FLT3: variants seen among roughly 807,000 people sequenced by gnomAD.
FLT3 encodes receptor-type tyrosine-protein kinase FLT3.
A neutral mutation model predicts 126.6 loss-of-function variants in FLT3; 46 were observed. The ratio of observed to expected loss-of-function variants is 0.36; its 90% CI spans 0.29 to 0.46. FLT3 has a LOEUF of 0.46. Among genes scored for constraint, FLT3 ranks in the 20% least tolerant of loss-of-function variants. The pLI is 1.00. For synonymous variants in FLT3, 404 were observed against 434.4 expected, an observed-to-expected ratio of 0.93 and a Z score of 0.87; for missense variants, 1,069 against 1,190.3, an observed-to-expected ratio of 0.90 and a Z score of 1.50.
Position 28,049,468 on chromosome 13 carries a change from A to T in FLT3, c.952T>A (p.Ser318Thr). The T allele has an allele frequency of 1.2e-6, 2 of 1,614,010 alleles. No individual in the cohort carries two copies. Among genetic ancestry groups the T allele is most frequent in the Non-Finnish European group, 1.7e-6 (2 of 1,179,850 alleles). ...CCGGTGTCGTTTCTTGCCACTGATGATACAAAAGCAAACAGAATCCGTATC... is the reference window on the plus strand; with the variant it reads ...CCGGTGTCGTTTCTTGCCACTGATGTTACAAAAGCAAACAGAATCCGTATC... ...TMIRILFAFV[S>T]SVARNDTGYY... Residue 318 changes from serine to threonine, a missense_variant, in exon 8 of 24, where the codon TCA (serine) becomes ACA (threonine). Physicochemically the swap from Ser to Thr is moderately conservative, Grantham distance 58. Coordinates refer to ENST00000241453, the MANE Select transcript of FLT3 (RefSeq NM_004119.3).
chr13:28,015,948 G>C (rs1871815888), intron 20 of FLT3, among the ~76,000 whole-genome samples: 3 of 152,132 alleles, frequency 2.0e-5, no homozygotes, highest in African/African-American at 7.2e-5. Flanking sequence ...GAATGGGTAA[G>C]TTTAACTTGC....
intron 3 of FLT3, among the ~76,000 whole-genome samples, chr13:28,061,342 C>T (rs958209546): frequency 3.1e-5 from 3 of 96,914 alleles, no homozygotes; most frequent in Non-Finnish European, 4.2e-5. Flanking sequence ...GATGACAGAG[C>T]GAGATAGTTC....
intron 1 of FLT3, among the ~76,000 whole-genome samples, chr13:28,072,778 T>C (rs1404380878): frequency 2.6e-5 from 4 of 151,094 alleles, no homozygotes; most frequent in Admixed American, 6.6e-5. Context: ...CCGAGGCGGG[T>C]GGATCACGAG....
At chr13:28,073,015 A>AACAAC (rs1555261266) in intron 1 of FLT3, among the ~76,000 whole-genome samples, 2,570 of 150,056 alleles carry the variant, frequency 0.017, 85 homozygotes, top group African/African-American at 0.058. Flanking sequence ...TAAAAAAAAA[A>AACAAC]AACAACAACA....
chr13:28,048,546 A>C, intron 8 of FLT3, 103 bp from the exon 9 acceptor site: 1 of 811,684 alleles, frequency 1.2e-6, no homozygotes, highest in Non-Finnish European at 1.9e-6. Flanking sequence ...ACACAGGAAA[A>C]CTCAAGTGTT....
rs1474119276 is a variant in FLT3, at chr13:28,023,409, C to A, written c.2359G>T (p.Asp787Tyr). The change falls in exon 19 of 24, where the codon GAT becomes TAT. Residue 787 changes from aspartate (D) to tyrosine (Y), a missense_variant. Asp to Tyr is a radical substitution (Grantham distance 160). Transcript: ENST00000241453. ...ACTTGATATGCAAAGCAAAGAAGATCTTCAAATGTAAGCACATTCAAGTCC... is the reference window on the plus strand; with the variant it reads ...ACTTGATATGCAAAGCAAAGAAGATATTCAAATGTAAGCACATTCAAGTCC... ...EEDLNVLTFE[D>Y]LLCFAYQVAK... The A allele has an allele frequency of 6.2e-6, 10 of 1,613,888 alleles. No individual in the cohort carries two copies. In the East Asian group the frequency reaches 2.2e-4, roughly 36 times the overall value.
chr13:28,014,371 G>A (rs1871648147), intron 23 of FLT3, 81 bp downstream of exon 23: 17 of 1,011,832 alleles, frequency 1.7e-5, no homozygotes, highest in Non-Finnish European at 2.0e-5. Context: ...TGGTACCTTT[G>A]GTTCACAGGA....
rs960129583 is a variant in FLT3, at chr13:28,054,550, C to T, written c.485-1876G>A. On this transcript the variant is annotated intron_variant, in intron 4 of 23. Coordinates refer to ENST00000241453, the MANE Select transcript of FLT3 (RefSeq NM_004119.3). ...CAGCCTAGGTAACATGCCAAAACCC[C>T]GTCTCTACAAAAACAACAACAACAA... is the stretch of plus-strand genomic sequence containing the variant. 4.0e-5 allele frequency among the ~76,000 whole-genome samples: 6 copies of T among 150,532 alleles called. No homozygotes were observed. In the East Asian group the frequency reaches 9.6e-4, roughly 24 times the overall value.
chr13:28,040,185 T>A (rs564557144), intron 9 of FLT3, among the ~76,000 whole-genome samples: 9 of 152,346 alleles, frequency 5.9e-5, no homozygotes, highest in African/African-American at 1.9e-4. Context: ...TCACAGAATT[T>A]ACAATTTGGT....
intron 2 of FLT3, among the ~76,000 whole-genome samples, chr13:28,067,063 T>C (rs1593282668): frequency 6.6e-6 from 1 of 152,292 alleles, no homozygotes; most frequent in East Asian, 1.9e-4. Flanking sequence ...TCGTTCTTGT[T>C]GCCAGGCTGG....
intron 2 of FLT3, among the ~76,000 whole-genome samples, chr13:28,069,325 C>T (rs1198686660): frequency 6.6e-6 from 1 of 152,042 alleles, no homozygotes; most frequent in Non-Finnish European, 1.5e-5. Context: ...TGGTAACTGA[C>T]CAAATGTGAA....
intron 1 of FLT3, among the ~76,000 whole-genome samples, chr13:28,075,693 C>T (rs1877881374): frequency 6.6e-6 from 1 of 150,952 alleles, no homozygotes; most frequent in Non-Finnish European, 1.5e-5. Context: ...CCATTGCACT[C>T]TAGCCTGGGC....
chr13:28,042,814 A>G (rs192856448), intron 9 of FLT3, among the ~76,000 whole-genome samples: 119 of 152,128 alleles, frequency 7.8e-4, no homozygotes, highest in Non-Finnish European at 1.5e-3. Context: ...TCTAGACTCA[A>G]ACTTTTCCCT....
intron 17 of FLT3, 94 bp downstream of exon 17, chr13:28,026,994 G>T (rs1872866720): frequency 1.9e-6 from 2 of 1,047,694 alleles, no homozygotes; most frequent in Non-Finnish European, 2.8e-6. Context: ...ACTTCACGGT[G>T]CCTTTAGAAA....
At position 28,058,222 on chromosome 13, in the gene FLT3, A is replaced by AC. The variant is rs1368282908; in HGVS notation, c.369-761_369-760insG. Among the ~76,000 whole-genome samples, 15 of 138,358 alleles carry AC rather than the reference A, an allele frequency of 1.1e-4. 1 individual carries two copies. In the East Asian group the frequency reaches 2.2e-3, roughly 20 times the overall value. 90.8% of individuals were successfully genotyped at this position (138,358 alleles called of 152,430 possible). Reference sequence around the variant, plus strand: ...TTTTAAAAATTAAAAAAAAAAAACAAAAAAAAAAACGGCCAGGTACAGTGG... The same window carrying AC: ...TTTTAAAAATTAAAAAAAAAAAACAACAAAAAAAAACGGCCAGGTACAGTGG... On this transcript the variant is annotated intron_variant, in intron 3 of 23. Transcript: ENST00000241453.
intron 1 of FLT3, chr13:28,073,389 G>A: frequency 2.3e-6 from 1 of 430,036 alleles, no homozygotes; most frequent in Admixed American, 2.8e-5. Flanking sequence ...ACTGTCACTT[G>A]AGTGGTCTGT....
intron 4 of FLT3, among the ~76,000 whole-genome samples, chr13:28,055,733 A>G (rs1446266987): frequency 6.6e-6 from 1 of 152,264 alleles, no homozygotes; most frequent in Non-Finnish European, 1.5e-5. Context: ...ACAGAGACAC[A>G]GCAGATGCCC....
At chr13:28,072,019 C>T (rs7988463) in intron 1 of FLT3, among the ~76,000 whole-genome samples, 151,697 of 152,102 alleles carry the variant, frequency 1, 75,648 homozygotes, top group Middle Eastern at 1. Flanking sequence ...TCCTTCTCCA[C>T]CCTCTTTGTC....
At chr13:28,046,528 C>T (rs758445449) in intron 9 of FLT3, among the ~76,000 whole-genome samples, 43 of 152,220 alleles carry the variant, frequency 2.8e-4, no homozygotes, top group African/African-American at 7.5e-4. Flanking sequence ...TAACATATTT[C>T]GCTGAATGCG....
Sources: gnomAD v4.1 joint callset for allele counts (sites outside exome capture counted in the v4.1 genomes callset) on GRCh38, gnomAD v4.1.1 for gene constraint, MANE v1.5 for transcripts, NCBI Gene and HGNC (gene_info 2026-07-23, HGNC 2026-07-21) for gene names.